Variants in SRC observed in about 807,000 individuals in gnomAD.
The protein encoded by SRC is SRC proto-oncogene, non-receptor tyrosine kinase.
In SRC, 13 loss-of-function variants were observed where a neutral mutation model predicts 62.9. The ratio of observed to expected loss-of-function variants is 0.21; its 90% CI spans 0.13 to 0.33. The LOEUF is 0.33. Among genes scored for constraint, SRC ranks in the 10% least tolerant of loss-of-function variants. SRC has a pLI of 1.00. For missense variants in SRC, 457 were observed against 737.3 expected (o/e 0.62, Z 4.40); for synonymous variants, 302 against 317.5 (o/e 0.95, Z 0.52).
chr20:37,397,666 C>T lies in SRC; in HGVS notation c.704-33C>T, dbSNP rs999038369. 4.6e-5 allele frequency: 70 copies of T among 1,529,922 alleles called. No individual in the cohort carries two copies. Among genetic ancestry groups the T allele is most frequent in the Non-Finnish European group, 6.1e-5 (69 of 1,135,924 alleles). The allele number at this position is 1,529,922 out of a possible 1,614,324, so 94.8% of individuals were successfully genotyped here. A position where few individuals can be genotyped will look rare whatever the true frequency, so the allele number is the denominator to read the frequency against. On this transcript the variant is annotated intron_variant, in intron 8 of 13. Transcript: ENST00000373578. The surrounding 1 kb of genome is among the most constrained non-coding windows in gnomAD (Gnocchi z 4.1). ...GGCAGGGAGGCCCCAGGGCAGAAGA[C>T]CCGCCTAACTGCTCCTCCTGCCTCC...
intron 10 of SRC, 143 bp downstream of exon 10, chr20:37,400,437 G>A: frequency 4.1e-6 from 3 of 724,628 alleles, no homozygotes; most frequent in Non-Finnish European, 6.2e-6. Flanking sequence ...CTGGGCCGGA[G>A]TGTGGTGGTG....
chr20:37,379,722 C>CAA (rs1240730350), intron 2 of SRC, among the ~76,000 whole-genome samples: 1 of 129,082 alleles, frequency 7.7e-6, no homozygotes, highest in African/African-American at 2.9e-5. Flanking sequence ...GACTCTGTCT[C>CAA]AAAAAAAAAA....
intron 7 of SRC, among the ~76,000 whole-genome samples, chr20:37,395,828 C>T (rs1362600480): frequency 6.6e-6 from 1 of 152,246 alleles, no homozygotes; most frequent in African/African-American, 2.4e-5. Context: ...CCCCAGCAGC[C>T]CTGGGAGCAC....
chr20:37,386,910 G>A (rs1266671583), intron 5 of SRC, among the ~76,000 whole-genome samples: 1 of 152,248 alleles, frequency 6.6e-6, no homozygotes, highest in Non-Finnish European at 1.5e-5. Flanking sequence ...GCCCAGAGTC[G>A]GCTCCTGGAG....
At position 37,365,589 on chromosome 20, in the gene SRC, AT is replaced by A. The variant is rs888056307; in HGVS notation, c.-173+324del. Among the ~76,000 whole-genome samples the A allele has an allele frequency of 3.6e-3, 538 of 148,262 alleles. 2 individuals carry two copies. The highest frequency in any genetic ancestry group is 0.014 in the South Asian group (64 of 4,700). ...ACTCAATATTACATATTTGCAAAGAATTTTTTTTTTTTCTTAGACAGGGTCT... is the reference window on the plus strand; with the variant it reads ...ACTCAATATTACATATTTGCAAAGAATTTTTTTTTTTCTTAGACAGGGTCT... On this transcript the variant is annotated intron_variant, in intron 2 of 13. Coordinates refer to ENST00000373578, the MANE Select transcript of SRC (RefSeq NM_198291.3).
At chr20:37,373,977 T>C (rs936211319) in intron 2 of SRC, among the ~76,000 whole-genome samples, 3 of 152,060 alleles carry the variant, frequency 2.0e-5, no homozygotes, top group Non-Finnish European at 4.4e-5. Context: ...CTCTTATTCA[T>C]ATGTTTTTAC....
intron 2 of SRC, among the ~76,000 whole-genome samples, chr20:37,378,893 CGGGGCTCCCCAAGGGCAGAGCCCCACACA>C (rs2070316668): frequency 6.6e-6 from 1 of 151,506 alleles, no homozygotes; most frequent in Non-Finnish European, 1.5e-5. Context: ...GGAACTACCC[CGGGGCTCCCCAAGGGCAGAGCCCCACACA>C]GGGCTTGGCA....
intron 2 of SRC, among the ~76,000 whole-genome samples, chr20:37,366,445 T>C (rs903552909): frequency 6.6e-6 from 1 of 152,234 alleles, no homozygotes; most frequent in Non-Finnish European, 1.5e-5. Flanking sequence ...GTCACGGAAT[T>C]GTACAATCGT....
rs1186039355 is a variant in SRC, at chr20:37,346,206, G to C, written c.-296G>C. On this transcript the variant is annotated 5_prime_UTR_variant, in exon 1 of 14. Coordinates refer to ENST00000373578, the MANE Select transcript of SRC (RefSeq NM_198291.3). ...CGTCCCGCTGGACGTCCCGCGGTCC[G>C]CCCTCCCGTGCGTCCGTCTGCCGGT... 1 of 151,184 alleles carries C rather than the reference G, an allele frequency of 6.6e-6. No homozygotes were observed. 9.4% of individuals were successfully genotyped at this position (151,184 alleles called of 1,614,324 possible). A position where few individuals can be genotyped will look rare whatever the true frequency, so the allele number is the denominator to read the frequency against.
intron 2 of SRC, among the ~76,000 whole-genome samples, chr20:37,373,424 TGCGTGTATATAC>T (rs1196882302): frequency 2.0e-5 from 3 of 151,512 alleles, no homozygotes; most frequent in African/African-American, 7.3e-5. Context: ...TACGCATATA[TGCGTGTATATAC>T]GCATATATAC....
intron 2 of SRC, among the ~76,000 whole-genome samples, chr20:37,378,083 A>AT (rs1367301036): frequency 2.2e-5 from 3 of 138,800 alleles, no homozygotes; most frequent in African/African-American, 8.1e-5. Flanking sequence ...TTTTATTTTT[A>AT]TTTTTTTTGA....
chr20:37,393,261 T>C lies in SRC; in HGVS notation c.351-634T>C, dbSNP rs55790714. ...TGGGTAGGCTGGAGGAGGAGGCCTG[T>C]AGTTTTCAGCCGAGGAGCCCTTTAG... On this transcript the variant is annotated intron_variant, in intron 5 of 13. Coordinates refer to ENST00000373578, the MANE Select transcript of SRC (RefSeq NM_198291.3). 9.9e-3 allele frequency among the ~76,000 whole-genome samples: 1,502 copies of C among 152,328 alleles called. 25 individuals carry two copies. Among genetic ancestry groups the C allele is most frequent in the African/African-American group, 0.033 (1,386 of 41,566 alleles).
In SRC at chr20:37,397,702, A is replaced by G. The variant is rs1401292418; in HGVS notation, c.707A>G (p.His236Arg). The change falls in exon 9 of 14, where the codon CAC becomes CGC. Residue 236 changes from histidine (H) to arginine (R), a missense_variant. His to Arg is a conservative substitution (Grantham distance 29, BLOSUM62 0). This residue lies in a region of SRC where 141 missense variants were observed against 198.4 expected (regional missense o/e 0.71). Transcript: ENST00000373578. This position sits in a 1 kb window ranked among gnomAD's most constrained non-coding sequence, Gnocchi z 4.1. ...LQQLVAYYSK[H>R]ADGLCHRLTT... ...GCTCCTCCTGCCTCCTCCTCAGAACACGCCGATGGCCTGTGCCACCGCCTC... is the reference window on the plus strand; with the variant it reads ...GCTCCTCCTGCCTCCTCCTCAGAACGCGCCGATGGCCTGTGCCACCGCCTC... 6.3e-7 allele frequency: 1 copy of G among 1,575,778 alleles called. No homozygotes were observed. Among genetic ancestry groups the G allele is most frequent in the Non-Finnish European group, 8.6e-7 (1 of 1,158,964 alleles).
intron 9 of SRC, 132 bp from the exon 10 acceptor site, chr20:37,399,983 G>T: frequency 4.9e-6 from 4 of 814,834 alleles, no homozygotes; most frequent in Non-Finnish European, 7.4e-6. Flanking sequence ...AAAGGGCCCA[G>T]GCTTTGACTG....
In SRC at chr20:37,396,042, C is replaced by T. The variant is rs931476968; in HGVS notation, c.554-120C>T. 1.4e-6 allele frequency: 2 copies of T among 1,449,056 alleles called. No homozygotes were observed. Among genetic ancestry groups the T allele is most frequent in the Non-Finnish European group, 1.9e-6 (2 of 1,080,978 alleles). The allele number at this position is 1,449,056 out of a possible 1,614,324, so 89.8% of individuals were successfully genotyped here. Reference sequence around the variant, plus strand: ...CTGGCTGTTGAGAGACAGGGTGGGCCTGGGGCCCCGCCTGGGCCTCCCTTC... The same window carrying T: ...CTGGCTGTTGAGAGACAGGGTGGGCTTGGGGCCCCGCCTGGGCCTCCCTTC... On this transcript the variant is annotated intron_variant, in intron 7 of 13. Coordinates refer to ENST00000373578, the MANE Select transcript of SRC (RefSeq NM_198291.3). The surrounding 1 kb of genome is among the most constrained non-coding windows in gnomAD (Gnocchi z 6.1).
chr20:37,376,933 C>T lies in SRC; in HGVS notation c.-172-5686C>T, dbSNP rs552587761. ...ACCATGGGGTCATTGGCACAGTGGG[C>T]GGGGTACCAGAGGTAGGTTCTGACA... On this transcript the variant is annotated intron_variant, in intron 2 of 13. Coordinates refer to ENST00000373578, the MANE Select transcript of SRC (RefSeq NM_198291.3). 4.6e-5 allele frequency among the ~76,000 whole-genome samples: 7 copies of T among 152,330 alleles called. No homozygotes were observed. In the East Asian group the frequency reaches 7.7e-4, roughly 17 times the overall value.
upstream of SRC, among the ~76,000 whole-genome samples, chr20:37,345,805 T>TAGA (rs1014703891): frequency 6.8e-6 from 1 of 146,996 alleles, no homozygotes; most frequent in Admixed American, 6.8e-5. Context: ...ATCTGGGGCG[T>TAGA]AGAAGGTGGG....
chr20:37,358,754 G>T (rs1031233850), intron 1 of SRC, among the ~76,000 whole-genome samples: 2 of 152,214 alleles, frequency 1.3e-5, no homozygotes, highest in Non-Finnish European at 1.5e-5. Context: ...GAGCTCCGTG[G>T]CCCCCCTGCT....
chr20:37,386,169 C>T lies in SRC; in HGVS notation c.345C>T (p.Asn115=), dbSNP rs562849105. 71 of 1,614,158 alleles carry T rather than the reference C, an allele frequency of 4.4e-5. 2 individuals are homozygous for T. The South Asian group carries it at 7.7e-4, about 17-fold the overall frequency. The change falls in exon 5 of 14, where the codon AAC becomes AAT. Residue 115 remains asparagine (N), a synonymous_variant. Transcript: ENST00000373578. ...AAGGCGAGCGGCTCCAGATTGTCAACAACACGTGAGTGCCCCCTTCCCTAT... is the reference window on the plus strand; with the variant it reads ...AAGGCGAGCGGCTCCAGATTGTCAATAACACGTGAGTGCCCCCTTCCCTAT... ...FKKGERLQIV[N]NTEGDWWLAH...
Sources: allele counts gnomAD v4.1 joint callset (sites outside exome capture counted in the v4.1 genomes callset), GRCh38; gene constraint gnomAD v4.1.1; regional missense constraint gnomAD v4.1.1; non-coding constraint Gnocchi (gnomAD v3.1); transcripts MANE v1.5; gene names NCBI Gene and HGNC (gene_info 2026-07-23, HGNC 2026-07-21).